ADAM8: variants seen among roughly 807,000 people sequenced by gnomAD.
ADAM8 encodes the protein ADAM metallopeptidase domain 8.
ADAM8 carries 104 observed loss-of-function variants against 102.4 expected under a neutral mutation model. The ratio of observed to expected loss-of-function variants is 1.02; its 90% CI spans 0.87 to 1.20. ADAM8 has a LOEUF of 1.20. Ranked by LOEUF, ADAM8 falls within the 50% of genes most tolerant of loss-of-function variation. The pLI, the probability that ADAM8 is intolerant of heterozygous loss-of-function variation, is 0.00. For missense variants in ADAM8, 1,132 were observed against 1,159.0 expected (o/e 0.98, Z 0.34); for synonymous variants, 517 against 485.2 (o/e 1.07, Z -0.86).
chr10:133,272,078 G>C, intron 10 of ADAM8, 115 bp downstream of exon 10: 1 of 1,516,212 alleles, frequency 6.6e-7, no homozygotes, highest in Non-Finnish European at 9.0e-7. Context: ...CATAAAATCA[G>C]GCATTAAACC....
At chr10:133,266,280 G>A (rs1019035433) in intron 21 of ADAM8, among the ~76,000 whole-genome samples, 27 of 152,158 alleles carry the variant, frequency 1.8e-4, no homozygotes, top group African/African-American at 5.3e-4. Context: ...TGACTGGGTC[G>A]CATTGGTGAC....
intron 21 of ADAM8, among the ~76,000 whole-genome samples, chr10:133,264,308 G>A (rs1192232905): frequency 1.3e-5 from 2 of 152,030 alleles, no homozygotes; most frequent in African/African-American, 4.8e-5. Flanking sequence ...TGATCCTCCC[G>A]CCCCAGCCTC....
chr10:133,276,184 T>G (rs1291936403), intron 1 of ADAM8, among the ~76,000 whole-genome samples: 1 of 152,106 alleles, frequency 6.6e-6, no homozygotes, highest in Non-Finnish European at 1.5e-5. Flanking sequence ...ATCTCCAACC[T>G]GGAGAGGCAG....
At position 133,273,806 on chromosome 10, in the gene ADAM8, C is replaced by T; in HGVS notation, c.339G>A (p.Gly113=). The change falls in exon 5 of 23, where the codon GGG becomes GGA. Residue 113 remains glycine (G), a synonymous_variant. Transcript: ENST00000445355. ...TGAGGCTGGCGGCTGAGTCCGGGTA[C>T]CCCTCTACGTGGCCCTGGTAGAAGC... is the stretch of plus-strand genomic sequence containing the variant. ...DHCFYQGHVE[G]YPDSAASLST... 6.5e-7 allele frequency: 1 copy of T among 1,549,188 alleles called. No homozygotes were observed. Among genetic ancestry groups the T allele is most frequent in the East Asian group, 2.4e-5 (1 of 40,908 alleles).
intron 21 of ADAM8, among the ~76,000 whole-genome samples, chr10:133,265,442 G>A (rs912399631): frequency 3.9e-5 from 6 of 152,146 alleles, no homozygotes; most frequent in African/African-American, 9.7e-5. Flanking sequence ...TGCAACTCAC[G>A]TACAAGTCTG....
rs1351608918 is a variant in ADAM8, at chr10:133,270,404, C to T, written c.1741G>A (p.Ala581Thr). ...GTGCCCTCGGGCACTGGTTCATACG[C>T]AGTGCCATCCTCTGTGGTGAGCGCG... ...CHALTTEDGTAYEPVPEGTRC... is the reference protein window; with the variant it reads ...CHALTTEDGTTYEPVPEGTRC... The change falls in exon 16 of 23, where the codon GCG becomes ACG. Residue 581 changes from alanine to threonine, a missense_variant. Ala to Thr is a moderately conservative substitution (Grantham distance 58). Transcript: ENST00000445355. 1.1e-5 allele frequency: 18 copies of T among 1,598,708 alleles called. No individual in the cohort carries two copies. Among genetic ancestry groups the T allele is most frequent in the Non-Finnish European group, 1.4e-5 (16 of 1,168,544 alleles).
Position 133,271,513 on chromosome 10 carries a change from G to A in ADAM8, c.1284+15C>T, listed in dbSNP as rs1554930446. 6.5e-7 allele frequency: 1 copy of A among 1,543,606 alleles called. No individual in the cohort carries two copies. Among genetic ancestry groups the A allele is most frequent in the Non-Finnish European group, 8.8e-7 (1 of 1,141,666 alleles). ...ACCCAGTGCTGACGGGAGCAGGTAT[G>A]GGGCATGGACGCACCTCGGGGGGGC... On this transcript the variant is annotated intron_variant, in intron 12 of 22. Transcript: ENST00000445355.
rs73392648 is a variant in ADAM8 at position 133,275,138 on chromosome 10, C to T, written c.150+346G>A. ...GGGAAACCCCCGCCAGGCCCCCCCC[C>T]CAACACAGGAAGGTGTGTCAACTCT... On this transcript the variant is annotated intron_variant, in intron 2 of 22. Coordinates refer to ENST00000445355, the MANE Select transcript of ADAM8 (RefSeq NM_001109.5). The T allele has an allele frequency of 1.7e-5, 6 of 352,228 alleles. No homozygotes were observed. In the East Asian group the frequency reaches 2.3e-4, roughly 13 times the overall value. The allele number at this position is 352,228 out of a possible 1,614,324, so 21.8% of individuals were successfully genotyped here.
At chr10:133,270,685 C>A in intron 15 of ADAM8, 51 bp downstream of exon 15, 1 of 1,575,262 alleles carries the variant, frequency 6.3e-7, no homozygotes, top group Non-Finnish European at 8.6e-7. Flanking sequence ...CTGGGGCTGA[C>A]CCCGCTGTGG....
Position 133,268,790 on chromosome 10 carries a change from C to T in ADAM8, c.2021G>A (p.Gly674Asp), listed in dbSNP as rs769510157. 1.9e-6 allele frequency: 3 copies of T among 1,610,712 alleles called. No individual in the cohort carries two copies. The highest frequency in any genetic ancestry group is 1.7e-5 in the Admixed American group (1 of 59,990). Residue 674 changes from glycine (G) to aspartate (D), a missense_variant, in exon 19 of 23, where the codon GGC becomes GAC. Transcript: ENST00000445355. Reference protein sequence around the residue: ...LLAVVLVTLAGIIVYRKARSR... With the variant: ...LLAVVLVTLADIIVYRKARSR... The stretch of plus-strand genomic sequence containing the variant: ...CCGGGCTTTGCGGTAGACGATGATG[C>T]CTGCCAGGGTGACCAGCACAACTGC...
chr10:133,269,755 GGGGCTCC>G, intron 17 of ADAM8, 135 bp downstream of exon 17: 4 of 1,076,058 alleles, frequency 3.7e-6, no homozygotes, highest in Non-Finnish European at 5.4e-6. Flanking sequence ...TCAGCCGACA[GGGGCTCC>G]ACAGAGACCC....
Position 133,268,068 on chromosome 10 carries a change from T to G in ADAM8, c.2114A>C (p.Gln705Pro). ...CTTGGCCGGCACGCGGCTGGCAGCC[T>G]GGTGGAACAGGGGGTTGGAGCGCCC... ...TMGRSNPLFH[Q>P]AASRVPAKGG... is the part of the protein sequence containing the mutation. The change falls in exon 20 of 23, where the codon CAG (glutamine) becomes CCG (proline). Residue 705 changes from glutamine to proline, a missense_variant. Physicochemically the swap from Gln to Pro is moderately conservative, Grantham distance 76 (BLOSUM62 -1). Transcript: ENST00000445355. 1 of 1,272,600 alleles carries G rather than the reference T, an allele frequency of 7.9e-7. No homozygotes were observed. Among genetic ancestry groups the G allele is most frequent in the Non-Finnish European group, 1.0e-6 (1 of 1,002,094 alleles). The allele number at this position is 1,272,600 out of a possible 1,614,324, so 78.8% of individuals were successfully genotyped here.
Position 133,271,309 on chromosome 10 carries a change from C to A in ADAM8, c.1285-20G>T, listed in dbSNP as rs752926206. ...GCAGTCCTGGGGCGACGGCAAAGGC[C>A]TTGGCAGGCTGCACTGGGGCCGGGC... On this transcript the variant is annotated intron_variant, in intron 12 of 22. Transcript: ENST00000445355. 1.2e-6 allele frequency: 2 copies of A among 1,604,412 alleles called. No homozygotes were observed. The highest frequency in any genetic ancestry group is 3.4e-5 in the Admixed American group (2 of 59,250).
At chr10:133,271,987 T>G (rs778609907) in intron 10 of ADAM8, 33 bp from the exon 11 acceptor site, 11 of 1,597,160 alleles carry the variant, frequency 6.9e-6, no homozygotes, top group African/African-American at 4.0e-5. Flanking sequence ...AGGAACCATG[T>G]GGCCAACTCC....
chr10:133,275,701 C>A (rs1846727524), intron 1 of ADAM8, 114 bp from the exon 2 acceptor site: 1 of 582,264 alleles, frequency 1.7e-6, no homozygotes, highest in East Asian at 3.4e-5. Context: ...CCCTGGGGAA[C>A]TCACCAGATA....
chr10:133,274,475 C>T (rs1215422929), intron 2 of ADAM8, among the ~76,000 whole-genome samples: 17 of 27,612 alleles, frequency 6.2e-4, no homozygotes, highest in African/African-American at 2.6e-3. Context: ...AGGGTGGAGG[C>T]GGGGGGCGGA....
chr10:133,265,344 C>G (rs1173781629), intron 21 of ADAM8, among the ~76,000 whole-genome samples: 5 of 152,228 alleles, frequency 3.3e-5, no homozygotes, highest in African/African-American at 9.6e-5. Context: ...ACTGCTATGC[C>G]TGGTAACCAT....
At chr10:133,263,831 C>G (rs1303582450) in intron 21 of ADAM8, 66 bp from the exon 22 acceptor site, 1 of 1,311,792 alleles carries the variant, frequency 7.6e-7, no homozygotes, top group East Asian at 3.0e-5. Flanking sequence ...CTGGACATCA[C>G]CTTCTCTGGA....
rs539325644 is a variant in ADAM8 at position 133,271,841 on chromosome 10, G to A, written c.1071C>T (p.Phe357=). 1.9e-5 allele frequency: 31 copies of A among 1,612,438 alleles called. No individual in the cohort carries two copies. The highest frequency in any genetic ancestry group is 8.8e-5 in the South Asian group (8 of 91,080). The part of the protein sequence containing the change: ...NVQGCRCQER[F]EAGRCIMAGS... ...CCGCCATGATGCAGCGGCCGGCCTCGAAGCGTTCCTGGCAGCGGCAGCCCT... is the reference window on the plus strand; with the variant it reads ...CCGCCATGATGCAGCGGCCGGCCTCAAAGCGTTCCTGGCAGCGGCAGCCCT... The change falls in exon 11 of 23, where the codon TTC becomes TTT. Residue 357 remains phenylalanine, a synonymous_variant. Transcript: ENST00000445355.
Sources: allele counts gnomAD v4.1 joint callset (sites outside exome capture counted in the v4.1 genomes callset), GRCh38; gene constraint gnomAD v4.1.1; transcripts MANE v1.5; gene names NCBI Gene and HGNC (gene_info 2026-07-23, HGNC 2026-07-21).